Variants in CNTNAP2 observed in about 807,000 individuals in gnomAD.
The protein encoded by CNTNAP2 is contactin associated protein 2, also known as contactin-associated protein-like 2.
CNTNAP2 carries 98 observed loss-of-function variants against 155.2 expected under a neutral mutation model. The observed-to-expected ratio is 0.63, with a 90% confidence interval of 0.54 to 0.75. The LOEUF is 0.75. Ranked by LOEUF, CNTNAP2 falls within the 30% of genes least tolerant of loss-of-function variation. CNTNAP2 has a pLI of 0.00. For synonymous variants in CNTNAP2, 651 were observed against 631.2 expected (o/e 1.03, Z -0.47); for missense variants, 1,727 against 1,688.1 (o/e 1.02, Z -0.40).
intron 9 of CNTNAP2, among the ~76,000 whole-genome samples, chr7:147,315,761 G>A (rs1039680078): frequency 5.3e-5 from 8 of 152,044 alleles, no homozygotes; most frequent in African/African-American, 1.9e-4. Flanking sequence ...TTACAGGCGT[G>A]AGCCACCACA....
intron 1 of CNTNAP2, among the ~76,000 whole-genome samples, chr7:146,397,121 A>G (rs989303434): frequency 6.6e-6 from 1 of 152,178 alleles, no homozygotes; most frequent in African/African-American, 2.4e-5. Context: ...AGTTCACTGT[A>G]GAGGCTTTAT....
chr7:146,676,078 C>A (rs1800393471), intron 1 of CNTNAP2, among the ~76,000 whole-genome samples: 1 of 152,006 alleles, frequency 6.6e-6, no homozygotes, highest in South Asian at 2.1e-4. Flanking sequence ...TTTCTATAAT[C>A]TTGTGTTCTA....
chr7:146,555,753 A>G (rs1291769565), intron 1 of CNTNAP2, among the ~76,000 whole-genome samples: 1 of 152,216 alleles, frequency 6.6e-6, no homozygotes, highest in Non-Finnish European at 1.5e-5. Context: ...TGTGTGGTAG[A>G]AAAACAGAGC....
intron 1 of CNTNAP2, among the ~76,000 whole-genome samples, chr7:146,667,526 T>C (rs1800218242): frequency 6.6e-6 from 1 of 152,048 alleles, no homozygotes; most frequent in Non-Finnish European, 1.5e-5. Flanking sequence ...TTTGTATTTT[T>C]ATAGAGAAGG....
At chr7:148,094,615 G>A (rs1043835100) in intron 15 of CNTNAP2, among the ~76,000 whole-genome samples, 2 of 152,196 alleles carry the variant, frequency 1.3e-5, no homozygotes, top group African/African-American at 4.8e-5. Context: ...AGACTTTGGA[G>A]CTGGAATTGA....
At chr7:147,239,529 G>C (rs377674409) in intron 8 of CNTNAP2, among the ~76,000 whole-genome samples, 1 of 149,392 alleles carries the variant, frequency 6.7e-6, no homozygotes. Flanking sequence ...AAAAAAAAAG[G>C]ACACTTTATT....
At chr7:147,771,798 T>C (rs1255679648) in intron 13 of CNTNAP2, among the ~76,000 whole-genome samples, 1 of 152,140 alleles carries the variant, frequency 6.6e-6, no homozygotes, top group Non-Finnish European at 1.5e-5. Flanking sequence ...TACTGTAGAA[T>C]TCTTAATGTT....
At chr7:148,127,821 G>T (rs1406374180) in intron 16 of CNTNAP2, among the ~76,000 whole-genome samples, 1 of 152,142 alleles carries the variant, frequency 6.6e-6, no homozygotes, top group Non-Finnish European at 1.5e-5. Context: ...AAAATATTGT[G>T]TTTTTTATTA....
rs36020816 is a variant in CNTNAP2, at chr7:148,405,420, A to ATTTTTTTT, written c.3716-3952_3716-3945dup. On this transcript the variant is annotated intron_variant, in intron 22 of 23. Transcript: ENST00000361727. ...TCAAGGGAACCAGATTACCATTGTAATTTTTTTTTTTTTTTTTTTTTTTTT... is the reference window on the plus strand; with the variant it reads ...TCAAGGGAACCAGATTACCATTGTAATTTTTTTTTTTTTTTTTTTTTTTTTTTTTTTTT... Among the ~76,000 whole-genome samples, 50 of 64,308 alleles carry ATTTTTTTT rather than the reference A, an allele frequency of 7.8e-4. 11 individuals carry two copies. Among genetic ancestry groups the ATTTTTTTT allele is most frequent in the African/African-American group, 3.6e-3 (46 of 12,654 alleles). 42.2% of individuals were successfully genotyped at this position (64,308 alleles called of 152,430 possible). A position where few individuals can be genotyped will look rare whatever the true frequency, so the allele number is the denominator to read the frequency against.
intron 1 of CNTNAP2, among the ~76,000 whole-genome samples, chr7:146,757,196 A>T (rs1217178418): frequency 2.0e-5 from 3 of 152,158 alleles, no homozygotes; most frequent in Admixed American, 1.3e-4. Flanking sequence ...CTTGAAATCC[A>T]GATATGTTCA....
intron 13 of CNTNAP2, among the ~76,000 whole-genome samples, chr7:147,734,524 G>A (rs1796803577): frequency 6.6e-6 from 1 of 152,162 alleles, no homozygotes; most frequent in Non-Finnish European, 1.5e-5. Flanking sequence ...GATGATGCTG[G>A]CCTCATAAAA....
intron 1 of CNTNAP2, among the ~76,000 whole-genome samples, chr7:146,161,041 G>T (rs909287017): frequency 9.2e-5 from 14 of 152,284 alleles, no homozygotes; most frequent in African/African-American, 2.9e-4. Context: ...TGCAAGGCTG[G>T]TTCAACATAC....
At chr7:146,736,455 T>A (rs1483024316) in intron 1 of CNTNAP2, among the ~76,000 whole-genome samples, 1 of 152,222 alleles carries the variant, frequency 6.6e-6, no homozygotes, top group East Asian at 1.9e-4. Context: ...AGTGTTTTCC[T>A]GAACTATGTG....
chr7:147,895,344 G>A (rs1242802978), intron 13 of CNTNAP2, among the ~76,000 whole-genome samples: 1 of 151,930 alleles, frequency 6.6e-6, no homozygotes, highest in South Asian at 2.1e-4. Context: ...CCCTTTCCCA[G>A]TTTAATCATC....
intron 21 of CNTNAP2, among the ~76,000 whole-genome samples, chr7:148,310,122 G>A (rs1008153896): frequency 6.6e-6 from 1 of 152,070 alleles, no homozygotes; most frequent in Non-Finnish European, 1.5e-5. Flanking sequence ...AATAAGAGAA[G>A]GAGAAAAACA....
chr7:148,053,892 G>A (rs1386078516), intron 15 of CNTNAP2, among the ~76,000 whole-genome samples: 4 of 151,520 alleles, frequency 2.6e-5, no homozygotes, highest in South Asian at 4.2e-4. Flanking sequence ...GTGATGTATC[G>A]TTGCAGCAGG....
chr7:147,906,138 A>G (rs1157332415), intron 14 of CNTNAP2, among the ~76,000 whole-genome samples: 2 of 152,138 alleles, frequency 1.3e-5, no homozygotes, highest in Non-Finnish European at 2.9e-5. Flanking sequence ...AGGCCCTAGC[A>G]TGACATCTGT....
At chr7:146,977,852 T>G (rs1353250097) in intron 3 of CNTNAP2, among the ~76,000 whole-genome samples, 2 of 152,170 alleles carry the variant, frequency 1.3e-5, no homozygotes, top group African/African-American at 4.8e-5. Context: ...TCAAATTACA[T>G]GGGTTGATAT....
At chr7:146,554,894 A>G (rs142106062) in intron 1 of CNTNAP2, among the ~76,000 whole-genome samples, 32 of 152,370 alleles carry the variant, frequency 2.1e-4, no homozygotes, top group African/African-American at 7.2e-4. Flanking sequence ...TTGAGTGTCC[A>G]TAAGTTGCAT....
Sources: gnomAD v4.1 joint callset for allele counts (sites outside exome capture counted in the v4.1 genomes callset) on GRCh38, gnomAD v4.1.1 for gene constraint, MANE v1.5 for transcripts, NCBI Gene and HGNC (gene_info 2026-07-23, HGNC 2026-07-21) for gene names.